The following MTMR7 variants were observed in gnomAD, a reference collection of about 807,000 sequenced individuals.
MTMR7 encodes myotubularin related protein 7, also known as phosphatidylinositol-3-phosphate phosphatase MTMR7.
MTMR7 carries 76 observed loss-of-function variants against 81.2 expected under a neutral mutation model. That is an observed-to-expected ratio of 0.94 (90% CI 0.78 to 1.13). The LOEUF (loss-of-function observed/expected upper bound fraction) is 1.13. Ranked by LOEUF, MTMR7 falls within the 50% of genes most tolerant of loss-of-function variation. The probability of loss-of-function intolerance (pLI) is 0.00; values close to 1 mark genes in which losing one functional copy is unlikely to be tolerated. For missense variants in MTMR7, 1,044 were observed against 820.0 expected (o/e 1.27, Z -3.34); for synonymous variants, 372 against 289.8 (o/e 1.28, Z -2.88).
At chr8:17,369,866 C>A (rs1241551734) in intron 3 of MTMR7, among the ~76,000 whole-genome samples, 1 of 151,876 alleles carries the variant, frequency 6.6e-6, no homozygotes, top group African/African-American at 2.4e-5. Context: ...AGGATGGTCT[C>A]AGTCTCCTGA....
In MTMR7 at chr8:17,399,518, T is replaced by C. The variant is rs149525665; in HGVS notation, c.24+13751A>G. Among the ~76,000 whole-genome samples the C allele has an allele frequency of 2.4e-3, 367 of 152,186 alleles. 1 individual carries two copies. The highest frequency in any genetic ancestry group is 4.0e-3 in the Non-Finnish European group (269 of 67,990). Reference sequence around the variant, plus strand: ...TGGAAAGATATTCCCTGTTCAAGGATTGGAAGAATAAATATTGTTAAAATG... The same window carrying C: ...TGGAAAGATATTCCCTGTTCAAGGACTGGAAGAATAAATATTGTTAAAATG... On this transcript the variant is annotated intron_variant, in intron 1 of 13. Transcript: ENST00000180173.
chr8:17,353,657 G>C (rs10096404), intron 4 of MTMR7, among the ~76,000 whole-genome samples: 6,498 of 152,258 alleles, frequency 0.043, 390 homozygotes, highest in African/African-American at 0.14. Flanking sequence ...GAGAATATGA[G>C]AAGTTCAGAG....
chr8:17,367,798 TCTG>T (rs777415542), intron 3 of MTMR7, among the ~76,000 whole-genome samples: 4 of 151,996 alleles, frequency 2.6e-5, no homozygotes, highest in Non-Finnish European at 4.4e-5. Context: ...TCTGTGTCCC[TCTG>T]CTAACAGCTG....
intron 3 of MTMR7, among the ~76,000 whole-genome samples, chr8:17,362,137 T>TA (rs1563358260): frequency 3.9e-5 from 6 of 152,328 alleles, no homozygotes; most frequent in Non-Finnish European, 7.3e-5. Context: ...AATGTCCTTG[T>TA]AGCCACATTA....
chr8:17,326,876 TAATA>T (rs1197082030), intron 7 of MTMR7, among the ~76,000 whole-genome samples: 10 of 152,286 alleles, frequency 6.6e-5, no homozygotes, highest in African/African-American at 2.4e-4. Flanking sequence ...AACCATGAGA[TAATA>T]AATATCATTT....
In MTMR7 at chr8:17,410,869, A is replaced by T. The variant is rs143340643; in HGVS notation, c.24+2400T>A. 2.1e-3 allele frequency among the ~76,000 whole-genome samples: 320 copies of T among 152,314 alleles called. 4 individuals carry two copies. Among genetic ancestry groups the T allele is most frequent in the African/African-American group, 7.1e-3 (297 of 41,580 alleles). ...ATGCATACAATTCTTTTCCTCTTAA[A>T]ACTCTACTACCCACACAGTAAATAT... On this transcript the variant is annotated intron_variant, in intron 1 of 13. Transcript: ENST00000180173.
chr8:17,356,808 AAAG>A (rs751727735), intron 4 of MTMR7, among the ~76,000 whole-genome samples: 5 of 152,190 alleles, frequency 3.3e-5, no homozygotes, highest in African/African-American at 1.2e-4. Context: ...TGGGATCAAC[AAAG>A]AAGAATACCA....
chr8:17,388,476 T>C (rs1318407195), intron 1 of MTMR7, among the ~76,000 whole-genome samples: 1 of 152,172 alleles, frequency 6.6e-6, no homozygotes, highest in Non-Finnish European at 1.5e-5. Context: ...TAAAAACATA[T>C]ACTAGTATAG....
chr8:17,397,834 C>T (rs1482354551), intron 1 of MTMR7, among the ~76,000 whole-genome samples: 1 of 152,134 alleles, frequency 6.6e-6, no homozygotes, highest in African/African-American at 2.4e-5. Context: ...CACAGGGGTA[C>T]TTGTGTCACC....
At chr8:17,407,971 C>G (rs1456117439) in intron 1 of MTMR7, among the ~76,000 whole-genome samples, 7 of 152,098 alleles carry the variant, frequency 4.6e-5, no homozygotes, top group Admixed American at 4.6e-4. Context: ...TATTTGCCCA[C>G]GGTGAAAACA....
chr8:17,347,074 G>T (rs919927330), intron 5 of MTMR7, among the ~76,000 whole-genome samples: 1 of 151,444 alleles, frequency 6.6e-6, no homozygotes, highest in Non-Finnish European at 1.5e-5. Context: ...CACACGCGTG[G>T]TCCCAGTGAC....
At chr8:17,319,125 G>A (rs893844134) in intron 7 of MTMR7, among the ~76,000 whole-genome samples, 1 of 152,188 alleles carries the variant, frequency 6.6e-6, no homozygotes, top group African/African-American at 2.4e-5. Flanking sequence ...ATACGCATGG[G>A]CAATAGCACG....
At chr8:17,329,849 G>C (rs1421801957) in intron 7 of MTMR7, among the ~76,000 whole-genome samples, 1 of 152,140 alleles carries the variant, frequency 6.6e-6, no homozygotes, top group Admixed American at 6.5e-5. Context: ...ACTGTGACCT[G>C]AGACAATGTC....
At chr8:17,377,170 T>TCA (rs1820615709) in intron 1 of MTMR7, among the ~76,000 whole-genome samples, 1 of 152,142 alleles carries the variant, frequency 6.6e-6, no homozygotes, top group Non-Finnish European at 1.5e-5. Context: ...CAGGAAGCTT[T>TCA]CAACATACAA....
intron 8 of MTMR7, 35 bp from the exon 9 acceptor site, chr8:17,311,671 A>T (rs758249877): frequency 8.1e-6 from 13 of 1,613,134 alleles, no homozygotes; most frequent in Non-Finnish European, 9.3e-6. Flanking sequence ...AGTCACAAAG[A>T]ATGGCTGTAA....
intron 6 of MTMR7, 40 bp downstream of exon 6, chr8:17,341,323 A>C (rs1222392666): frequency 6.2e-7 from 1 of 1,609,768 alleles, no homozygotes; most frequent in Non-Finnish European, 8.5e-7. Context: ...CAGTTTCACA[A>C]CTCAGGTGCA....
intron 5 of MTMR7, among the ~76,000 whole-genome samples, chr8:17,343,340 G>C (rs191456929): frequency 2.6e-5 from 4 of 152,168 alleles, no homozygotes; most frequent in Non-Finnish European, 5.9e-5. Flanking sequence ...TGAGGCAGGA[G>C]AATCACTTGA....
At position 17,400,491 on chromosome 8, in the gene MTMR7, T is replaced by C. The variant is rs575037001; in HGVS notation, c.24+12778A>G. On this transcript the variant is annotated intron_variant, in intron 1 of 13. Transcript: ENST00000180173. ...ATGCAGTTTAGGATCCCAGCGGCCT[T>C]ACAATGCTATCTCCAGGCCCTCTGG... Among the ~76,000 whole-genome samples the C allele has an allele frequency of 3.9e-5, 6 of 152,334 alleles. No individual in the cohort carries two copies. The South Asian group carries it at 6.2e-4, about 16-fold the overall frequency.
intron 5 of MTMR7, among the ~76,000 whole-genome samples, chr8:17,347,711 T>C (rs1006587800): frequency 6.6e-6 from 1 of 152,244 alleles, no homozygotes; most frequent in Non-Finnish European, 1.5e-5. Flanking sequence ...AAGACCATTC[T>C]TGCTCATCCG....
Sources: allele counts gnomAD v4.1 joint callset (sites outside exome capture counted in the v4.1 genomes callset), GRCh38; gene constraint gnomAD v4.1.1; transcripts MANE v1.5; gene names NCBI Gene and HGNC (gene_info 2026-07-23, HGNC 2026-07-21).